Variants in PRKG1 observed in about 807,000 individuals in gnomAD.
The protein encoded by PRKG1 is protein kinase cGMP-dependent 1, also known as cGMP-dependent protein kinase 1.
Under a neutral mutation model 88.1 loss-of-function variants are expected in PRKG1, and 35 were observed. The ratio of observed to expected loss-of-function variants is 0.40; its 90% CI spans 0.30 to 0.53. The LOEUF (loss-of-function observed/expected upper bound fraction) is 0.53, where lower values mean the gene tolerates loss of function less well. Among genes scored for constraint, PRKG1 ranks in the 20% least tolerant of loss-of-function variants. The pLI, the probability that PRKG1 is intolerant of heterozygous loss-of-function variation, is 0.59. For missense variants in PRKG1, 540 were observed against 839.8 expected (o/e 0.64, Z 4.41); for synonymous variants, 303 against 292.5 (o/e 1.04, Z -0.37).
At chr10:52,075,932 G>T (rs956998954) in intron 7 of PRKG1, among the ~76,000 whole-genome samples, 1 of 152,106 alleles carries the variant, frequency 6.6e-6, no homozygotes, top group Non-Finnish European at 1.5e-5. Context: ...CAAAGGCCCT[G>T]TCTCTAAATA....
chr10:52,090,521 T>G (rs1316193082), intron 7 of PRKG1, among the ~76,000 whole-genome samples: 1 of 149,290 alleles, frequency 6.7e-6, no homozygotes, highest in East Asian at 2.0e-4. Flanking sequence ...AAATAGAAAA[T>G]CATCATTGGA....
chr10:51,061,948 C>G (rs1843696774), intron 1 of PRKG1, among the ~76,000 whole-genome samples: 1 of 152,194 alleles, frequency 6.6e-6, no homozygotes, highest in Non-Finnish European at 1.5e-5. Context: ...CCTTCTGTTG[C>G]ATGGCTTCTA....
chr10:52,094,084 G>A (rs1020597081), intron 7 of PRKG1, among the ~76,000 whole-genome samples: 1 of 152,038 alleles, frequency 6.6e-6, no homozygotes, highest in African/African-American at 2.4e-5. Flanking sequence ...ATACAAACTG[G>A]GGAAAATGTT....
At chr10:51,033,883 AT>A (rs1224507982) in intron 1 of PRKG1, among the ~76,000 whole-genome samples, 2 of 152,080 alleles carry the variant, frequency 1.3e-5, no homozygotes, top group African/African-American at 2.4e-5. Flanking sequence ...AAGTTTGTTC[AT>A]TTGTTTTTAT....
At chr10:51,164,529 C>A (rs1425590868) in intron 2 of PRKG1, among the ~76,000 whole-genome samples, 1 of 152,122 alleles carries the variant, frequency 6.6e-6, no homozygotes, top group African/African-American at 2.4e-5. Context: ...TCACCAGCAA[C>A]GGAACAAAGC....
chr10:51,387,200 C>T (rs1034368172), intron 2 of PRKG1, among the ~76,000 whole-genome samples: 10 of 151,858 alleles, frequency 6.6e-5, no homozygotes, highest in Admixed American at 6.6e-4. Context: ...GGACAAGCAG[C>T]CCCATAAATG....
At chr10:51,825,472 A>G (rs576019985) in intron 4 of PRKG1, among the ~76,000 whole-genome samples, 1 of 152,166 alleles carries the variant, frequency 6.6e-6, no homozygotes, top group South Asian at 2.1e-4. Flanking sequence ...ATTTAACATT[A>G]CACGTTCACA....
At chr10:51,548,115 T>G (rs987638535) in intron 3 of PRKG1, among the ~76,000 whole-genome samples, 26 of 152,060 alleles carry the variant, frequency 1.7e-4, no homozygotes, top group Admixed American at 3.3e-4. Context: ...GGAAGAACAG[T>G]GGCTGGAAAA....
chr10:50,998,219 T>C (rs374440647), intron 1 of PRKG1, among the ~76,000 whole-genome samples: 2 of 152,300 alleles, frequency 1.3e-5, no homozygotes, highest in South Asian at 2.1e-4. Flanking sequence ...GATCTGCCTG[T>C]GTTGTGTGTC....
At chr10:51,552,671 A>C (rs1837168364) in intron 3 of PRKG1, among the ~76,000 whole-genome samples, 1 of 151,678 alleles carries the variant, frequency 6.6e-6, no homozygotes, top group Non-Finnish European at 1.5e-5. Context: ...ATAAAATGAC[A>C]ATTTTCATTC....
intron 3 of PRKG1, among the ~76,000 whole-genome samples, chr10:51,767,848 A>G (rs1838207327): frequency 6.6e-6 from 1 of 152,104 alleles, no homozygotes; most frequent in African/African-American, 2.4e-5. Flanking sequence ...TATTTTGAAG[A>G]CATTATAAAC....
intron 3 of PRKG1, among the ~76,000 whole-genome samples, chr10:51,727,732 GA>G: frequency 6.6e-6 from 1 of 152,116 alleles, no homozygotes; most frequent in Non-Finnish European, 1.5e-5. Context: ...TCTAGCAGAG[GA>G]ATTGGATGAG....
chr10:52,030,420 A>G (rs1845446781), intron 5 of PRKG1, among the ~76,000 whole-genome samples: 1 of 152,182 alleles, frequency 6.6e-6, no homozygotes, highest in Non-Finnish European at 1.5e-5. Flanking sequence ...GTCTGACTCC[A>G]CTTATGCGTC....
chr10:51,281,774 T>C (rs528864760), intron 2 of PRKG1, among the ~76,000 whole-genome samples: 1 of 151,872 alleles, frequency 6.6e-6, no homozygotes, highest in Admixed American at 6.5e-5. Flanking sequence ...GCTGCAGAAA[T>C]GTTATGGACC....
chr10:51,566,911 G>A (rs7908617), intron 3 of PRKG1, among the ~76,000 whole-genome samples: 10,310 of 150,430 alleles, frequency 0.069, 1,147 homozygotes, highest in African/African-American at 0.24. Context: ...TCAATATATA[G>A]ACACATACAC....
chr10:51,291,661 C>G (rs960070541), intron 2 of PRKG1, among the ~76,000 whole-genome samples: 1 of 152,044 alleles, frequency 6.6e-6, no homozygotes, highest in Non-Finnish European at 1.5e-5. Context: ...ATGGGTGCCC[C>G]CCTTAAAAGA....
rs529659001 is a variant in PRKG1, at chr10:52,078,319, T to G, written c.935+15688T>G. Among the ~76,000 whole-genome samples, 10 of 152,314 alleles carry G rather than the reference T, an allele frequency of 6.6e-5. No homozygotes were observed. In the East Asian group the frequency reaches 1.9e-3, roughly 29 times the overall value. On this transcript the variant is annotated intron_variant, in intron 7 of 17. Transcript: ENST00000373980. ...GATAAAATTTTAAAATAACCACTAATTATTTTTAAAATAATCATTTTTTAA... is the reference window on the plus strand; with the variant it reads ...GATAAAATTTTAAAATAACCACTAAGTATTTTTAAAATAATCATTTTTTAA...
At chr10:51,050,417 T>G (rs1843546254) in intron 1 of PRKG1, among the ~76,000 whole-genome samples, 1 of 152,160 alleles carries the variant, frequency 6.6e-6, no homozygotes. Flanking sequence ...TCACATAGTA[T>G]TCTCATTCTA....
At chr10:51,566,659 A>G (rs929776188) in intron 3 of PRKG1, among the ~76,000 whole-genome samples, 1 of 152,020 alleles carries the variant, frequency 6.6e-6, no homozygotes, top group Middle Eastern at 3.2e-3. Flanking sequence ...ATAAAGAGTC[A>G]GCTATGGGCG....
Sources: allele counts gnomAD v4.1 joint callset (sites outside exome capture counted in the v4.1 genomes callset), GRCh38; gene constraint gnomAD v4.1.1; transcripts MANE v1.5; gene names NCBI Gene and HGNC (gene_info 2026-07-23, HGNC 2026-07-21).